TMCC1: variants seen among roughly 807,000 people sequenced by gnomAD.
The protein encoded by TMCC1 is transmembrane and coiled-coil domains protein 1.
A neutral mutation model predicts 52.4 loss-of-function variants in TMCC1; 15 were observed. The observed-to-expected ratio is 0.29, with a 90% confidence interval of 0.19 to 0.44. The LOEUF (loss-of-function observed/expected upper bound fraction) is 0.44. Ranked by LOEUF, TMCC1 falls within the 20% of genes least tolerant of loss-of-function variation. The pLI is 1.00. For synonymous variants in TMCC1, 279 were observed against 301.9 expected (o/e 0.92, Z 0.79); for missense variants, 503 against 806.0 (o/e 0.62, Z 4.55).
intron 4 of TMCC1, among the ~76,000 whole-genome samples, chr3:129,680,551 G>A (rs1269572636): frequency 6.6e-6 from 1 of 152,166 alleles, no homozygotes; most frequent in African/African-American, 2.4e-5. Flanking sequence ...CTTGTCATAA[G>A]TCATAACCAC....
At chr3:129,765,137 C>CAA (rs11434430) in intron 4 of TMCC1, among the ~76,000 whole-genome samples, 25,978 of 147,792 alleles carry the variant, frequency 0.18, 3,052 homozygotes, top group Middle Eastern at 0.27. Flanking sequence ...TTCAAATACT[C>CAA]AAAAAAAAAC....
At chr3:129,662,286 T>C (rs1201966455) in intron 5 of TMCC1, among the ~76,000 whole-genome samples, 1 of 152,182 alleles carries the variant, frequency 6.6e-6, no homozygotes, top group Non-Finnish European at 1.5e-5. Context: ...TTTATCACTA[T>C]GTGAACACCA....
At chr3:129,701,850 C>G (rs1014280795) in intron 4 of TMCC1, among the ~76,000 whole-genome samples, 1 of 152,074 alleles carries the variant, frequency 6.6e-6, no homozygotes. Flanking sequence ...GGTAGTACCA[C>G]CTCCAGACTC....
chr3:129,667,390 T>C (rs767827769), intron 5 of TMCC1, among the ~76,000 whole-genome samples: 7 of 152,058 alleles, frequency 4.6e-5, no homozygotes, highest in Non-Finnish European at 7.4e-5. Context: ...ACAACAAAAA[T>C]AAAGTACAAT....
chr3:129,716,148 T>G (rs1216016505), intron 4 of TMCC1, among the ~76,000 whole-genome samples: 2 of 95,390 alleles, frequency 2.1e-5, no homozygotes, highest in African/African-American at 4.0e-5. Context: ...TTTCAGCCAC[T>G]TTTTTTCTTT....
chr3:129,875,502 A>C (rs1166323744), intron 2 of TMCC1, among the ~76,000 whole-genome samples: 5 of 150,214 alleles, frequency 3.3e-5, no homozygotes, highest in Admixed American at 2.0e-4. Context: ...AAAAAAAAAA[A>C]AAAAAAAAAA....
intron 4 of TMCC1, among the ~76,000 whole-genome samples, chr3:129,813,946 T>G (rs935170777): frequency 1.3e-5 from 2 of 151,954 alleles, no homozygotes; most frequent in African/African-American, 2.4e-5. Flanking sequence ...ACTTTAATTG[T>G]TCATCCATTC....
At chr3:129,844,838 C>A (rs1245837619) in intron 2 of TMCC1, among the ~76,000 whole-genome samples, 1 of 152,178 alleles carries the variant, frequency 6.6e-6, no homozygotes, top group African/African-American at 2.4e-5. Flanking sequence ...AAAAATTAGA[C>A]TCCTTTGTTA....
chr3:129,737,797 T>C (rs2051105067), intron 4 of TMCC1, among the ~76,000 whole-genome samples: 1 of 152,082 alleles, frequency 6.6e-6, no homozygotes, highest in African/African-American at 2.4e-5. Context: ...ACCTACTAAA[T>C]TTACCATAAT....
rs2060737872 is a variant in TMCC1 at position 129,868,097 on chromosome 3, C to A, written c.-184+12212G>T. Among the ~76,000 whole-genome samples, 2 of 151,724 alleles carry A rather than the reference C, an allele frequency of 1.3e-5. 1 individual carries two copies. Among genetic ancestry groups the A allele is most frequent in the South Asian group, 4.2e-4 (2 of 4,786 alleles). ...TCCCTGTGTTACAAGAAGACAACGC[C>A]CACATCTCTAACAAATACATTAAAA... On this transcript the variant is annotated intron_variant, in intron 2 of 6. Coordinates refer to ENST00000393238, the MANE Select transcript of TMCC1 (RefSeq NM_001017395.5).
chr3:129,726,049 G>A (rs2107604326), intron 4 of TMCC1, among the ~76,000 whole-genome samples: 1 of 152,262 alleles, frequency 6.6e-6, no homozygotes, highest in African/African-American at 2.4e-5. Flanking sequence ...GTACAGACAG[G>A]TACCTGTATC....
intron 5 of TMCC1, among the ~76,000 whole-genome samples, chr3:129,663,175 G>A (rs769183580): frequency 2.0e-5 from 3 of 152,182 alleles, no homozygotes; most frequent in Non-Finnish European, 4.4e-5. Flanking sequence ...TGAGTACACA[G>A]CCTGGGAATG....
chr3:129,766,659 C>T (rs7349569), intron 4 of TMCC1, among the ~76,000 whole-genome samples: 131,574 of 151,914 alleles, frequency 0.87, 57,675 homozygotes, highest in East Asian at 1. Flanking sequence ...CTCACTCTAT[C>T]GCCCAGGCTG....
chr3:129,659,102 T>C (rs532086216), intron 5 of TMCC1, among the ~76,000 whole-genome samples: 130 of 149,634 alleles, frequency 8.7e-4, no homozygotes, highest in African/African-American at 3.0e-3. Context: ...TTCTTTTTTT[T>C]TTTTTTTTTT....
chr3:129,651,280 C>T lies in TMCC1; in HGVS notation c.*201G>A, dbSNP rs991014017. Reference sequence around the variant, plus strand: ...CTACATAAAAATGATCCAAGATTTTCGCCCAAAAAACTTCTTGGATAAAAT... The same window carrying T: ...CTACATAAAAATGATCCAAGATTTTTGCCCAAAAAACTTCTTGGATAAAAT... On this transcript the variant is annotated 3_prime_UTR_variant, in exon 7 of 7. Coordinates refer to ENST00000393238, the MANE Select transcript of TMCC1 (RefSeq NM_001017395.5). This position sits in a 1 kb window ranked among gnomAD's most constrained non-coding sequence, Gnocchi z 5.1. 1.5e-5 allele frequency: 9 copies of T among 597,936 alleles called. No homozygotes were observed. Among genetic ancestry groups the T allele is most frequent in the African/African-American group, 3.7e-5 (2 of 54,084 alleles). 37.0% of individuals were successfully genotyped at this position (597,936 alleles called of 1,614,324 possible).
intron 4 of TMCC1, among the ~76,000 whole-genome samples, chr3:129,754,107 A>G (rs1217595667): frequency 1.3e-5 from 2 of 152,180 alleles, no homozygotes. Flanking sequence ...TGAAATCCCA[A>G]ATTAAAAAGC....
chr3:129,771,493 G>A (rs2054569592), intron 4 of TMCC1, among the ~76,000 whole-genome samples: 5 of 151,974 alleles, frequency 3.3e-5, no homozygotes. Flanking sequence ...GATTTATGTG[G>A]GCTGGGCACG....
intron 4 of TMCC1, among the ~76,000 whole-genome samples, chr3:129,797,159 T>C (rs1425582356): frequency 6.6e-6 from 1 of 151,936 alleles, no homozygotes; most frequent in Non-Finnish European, 1.5e-5. Flanking sequence ...ACCCCATCTC[T>C]ACTAAAAATA....
At chr3:129,832,520 C>T (rs2058967760) in intron 3 of TMCC1, among the ~76,000 whole-genome samples, 2 of 152,136 alleles carry the variant, frequency 1.3e-5, no homozygotes, top group Admixed American at 1.3e-4. Flanking sequence ...GCCATTAGCT[C>T]ACACTCAGAA....
Sources: allele counts gnomAD v4.1 joint callset (sites outside exome capture counted in the v4.1 genomes callset), GRCh38; gene constraint gnomAD v4.1.1; non-coding constraint Gnocchi (gnomAD v3.1); transcripts MANE v1.5; gene names NCBI Gene and HGNC (gene_info 2026-07-23, HGNC 2026-07-21).